The following ANKIB1 variants were observed in gnomAD, a reference collection of about 807,000 sequenced individuals.
The protein encoded by ANKIB1 is ankyrin repeat and IBR domain containing 1.
Under a neutral mutation model 122.1 loss-of-function variants are expected in ANKIB1, and 43 were observed. The observed-to-expected ratio is 0.35, with a 90% CI of 0.28 to 0.45. The LOEUF is 0.45. Ranked by LOEUF, ANKIB1 falls within the 20% of genes least tolerant of loss-of-function variation. The pLI, the probability that ANKIB1 is intolerant of heterozygous loss-of-function variation, is 1.00. For missense variants in ANKIB1, 992 were observed against 1,329.5 expected, an observed-to-expected ratio of 0.75 and a Z score of 3.95; for synonymous variants, 390 against 442.0, an observed-to-expected ratio of 0.88 and a Z score of 1.48.
intron 16 of ANKIB1, among the ~76,000 whole-genome samples, chr7:92,391,803 A>AAGTGAT (rs536505982): frequency 2.9e-4 from 44 of 152,264 alleles, no homozygotes; most frequent in Non-Finnish European, 5.0e-4. Flanking sequence ...AAACCCATCC[A>AAGTGAT]CTAAAGATCA....
At chr7:92,354,484 C>T (rs933436940) in intron 9 of ANKIB1, among the ~76,000 whole-genome samples, 5 of 152,072 alleles carry the variant, frequency 3.3e-5, no homozygotes, top group Non-Finnish European at 5.9e-5. Flanking sequence ...GAGAACCTAA[C>T]AAAATCATCA....
intron 5 of ANKIB1, among the ~76,000 whole-genome samples, chr7:92,338,933 AATATATATAT>A (rs1164398513): frequency 0.023 from 496 of 21,908 alleles, 10 homozygotes; most frequent in Middle Eastern, 0.056. Context: ...AAAAAAAAAA[AATATATATAT>A]ATATATATAT....
chr7:92,374,721 G>GA (rs980317377), intron 11 of ANKIB1, among the ~76,000 whole-genome samples: 6 of 151,040 alleles, frequency 4.0e-5, no homozygotes, highest in African/African-American at 1.5e-4. Flanking sequence ...CAAAAATTTA[G>GA]AAAAAAAATA....
intron 9 of ANKIB1, among the ~76,000 whole-genome samples, chr7:92,353,170 T>C (rs1803701313): frequency 6.6e-6 from 1 of 152,184 alleles, no homozygotes; most frequent in Non-Finnish European, 1.5e-5. Flanking sequence ...GATTTTGATT[T>C]AGTAGGTTTT....
chr7:92,326,011 A>C, intron 4 of ANKIB1: 1 of 424,086 alleles, frequency 2.4e-6, no homozygotes, highest in Non-Finnish European at 4.7e-6. Flanking sequence ...AGAGAAAGGT[A>C]CTTTCATTTT....
At chr7:92,281,710 C>G (rs1314583861) in intron 1 of ANKIB1, among the ~76,000 whole-genome samples, 1 of 152,130 alleles carries the variant, frequency 6.6e-6, no homozygotes, top group Non-Finnish European at 1.5e-5. Context: ...TGGTGGAGGA[C>G]ACAGCAAAAT....
rs77547829 is a variant in ANKIB1, at chr7:92,306,332, T to A, written c.189-1027T>A. Among the ~76,000 whole-genome samples, 1,055 of 152,256 alleles carry A rather than the reference T, an allele frequency of 6.9e-3. 10 individuals carry two copies. The highest frequency in any genetic ancestry group is 0.024 in the African/African-American group (1,001 of 41,540). The stretch of plus-strand genomic sequence containing the variant: ...CCTTTTCTAGGTCAACTACTAATCC[T>A]GTGACTCATTTTAGGAGCTAGGCAC... On this transcript the variant is annotated intron_variant, in intron 2 of 19. Transcript: ENST00000265742.
intron 5 of ANKIB1, among the ~76,000 whole-genome samples, chr7:92,328,280 A>C (rs1803070396): frequency 6.6e-6 from 1 of 152,226 alleles, no homozygotes; most frequent in African/African-American, 2.4e-5. Flanking sequence ...ATGGTAGTTC[A>C]ATTAAATACC....
At chr7:92,300,810 T>C (rs1802443190) in intron 2 of ANKIB1, among the ~76,000 whole-genome samples, 1 of 152,120 alleles carries the variant, frequency 6.6e-6, no homozygotes, top group Non-Finnish European at 1.5e-5. Flanking sequence ...ACCTAATTCA[T>C]CTTCTAACTG....
chr7:92,309,352 T>C (rs1802637313), intron 3 of ANKIB1, among the ~76,000 whole-genome samples: 1 of 152,200 alleles, frequency 6.6e-6, no homozygotes, highest in South Asian at 2.1e-4. Context: ...CTGGAGTAGC[T>C]AGGACTACAG....
intron 2 of ANKIB1, among the ~76,000 whole-genome samples, chr7:92,305,266 G>A (rs544039619): frequency 6.6e-6 from 1 of 152,208 alleles, no homozygotes; most frequent in African/African-American, 2.4e-5. Flanking sequence ...GCTAGAAAGT[G>A]ACAGAACTAG....
chr7:92,344,162 G>A (rs1803487553), intron 6 of ANKIB1, among the ~76,000 whole-genome samples: 1 of 149,434 alleles, frequency 6.7e-6, no homozygotes, highest in Non-Finnish European at 1.5e-5. Flanking sequence ...TAATACATAG[G>A]TGGGTTTTTT....
chr7:92,283,275 A>G (rs576692933), intron 1 of ANKIB1, among the ~76,000 whole-genome samples: 1 of 152,268 alleles, frequency 6.6e-6, no homozygotes, highest in South Asian at 2.1e-4. Context: ...TGGAATTTAT[A>G]TTATAGGGAA....
chr7:92,317,021 A>G (rs1032539379), intron 3 of ANKIB1, among the ~76,000 whole-genome samples: 3 of 152,212 alleles, frequency 2.0e-5, no homozygotes, highest in African/African-American at 7.2e-5. Flanking sequence ...GAACTCAAGA[A>G]TAAAGTCAGC....
At chr7:92,295,775 C>T (rs1802342737) in intron 2 of ANKIB1, among the ~76,000 whole-genome samples, 1 of 152,032 alleles carries the variant, frequency 6.6e-6, no homozygotes, top group Non-Finnish European at 1.5e-5. Context: ...ACCTATTCAA[C>T]GAGGAAGCTT....
At chr7:92,274,464 G>T (rs1044074749) in intron 1 of ANKIB1, among the ~76,000 whole-genome samples, 1 of 151,988 alleles carries the variant, frequency 6.6e-6, no homozygotes, top group Non-Finnish European at 1.5e-5. Flanking sequence ...CTATATTGAA[G>T]GGTTTTAAGT....
chr7:92,351,397 A>G (rs1223106909), intron 8 of ANKIB1, among the ~76,000 whole-genome samples: 2 of 152,192 alleles, frequency 1.3e-5, no homozygotes, highest in African/African-American at 4.8e-5. Flanking sequence ...CTGATTGATC[A>G]AGATAATGTT....
rs533248341 is a variant in ANKIB1 at position 92,292,213 on chromosome 7, G to A, written c.-90-2676G>A. Reference sequence around the variant, plus strand: ...ATCTGAGGGGAATTGAGCTGTGACCGTTTAGATGATGCATTTCTTAGTGAC... The same window carrying A: ...ATCTGAGGGGAATTGAGCTGTGACCATTTAGATGATGCATTTCTTAGTGAC... On this transcript the variant is annotated intron_variant, in intron 1 of 19. Coordinates refer to ENST00000265742, the MANE Select transcript of ANKIB1 (RefSeq NM_019004.2). 6.5e-4 allele frequency among the ~76,000 whole-genome samples: 99 copies of A among 152,260 alleles called. 1 individual carries two copies. Among genetic ancestry groups the A allele is most frequent in the South Asian group, 2.3e-3 (11 of 4,834 alleles).
At chr7:92,366,379 A>G (rs1285595120) in intron 10 of ANKIB1, among the ~76,000 whole-genome samples, 2 of 152,038 alleles carry the variant, frequency 1.3e-5, no homozygotes, top group African/African-American at 2.4e-5. Context: ...TGTGGCATCA[A>G]ATGGCTTTGT....
Sources: gnomAD v4.1 joint callset for allele counts (sites outside exome capture counted in the v4.1 genomes callset) on GRCh38, gnomAD v4.1.1 for gene constraint, MANE v1.5 for transcripts, NCBI Gene and HGNC (gene_info 2026-07-23, HGNC 2026-07-21) for gene names.